The following CAMTA1 variants were observed in gnomAD, a reference collection of about 807,000 sequenced individuals.
CAMTA1 encodes the protein calmodulin-binding transcription activator 1.
In CAMTA1, 27 loss-of-function variants were observed where a neutral mutation model predicts 170.9. The observed-to-expected ratio is 0.16, with a 90% CI of 0.12 to 0.22. The LOEUF is 0.22. CAMTA1 is among the 10% of genes least tolerant of loss of function. The pLI is 1.00. For missense variants in CAMTA1, 1,619 were observed against 2,217.2 expected, an observed-to-expected ratio of 0.73 and a Z score of 5.42; for synonymous variants, 833 against 891.5, an observed-to-expected ratio of 0.93 and a Z score of 1.17.
chr1:6,969,163 T>C (rs1201352002), intron 3 of CAMTA1, among the ~76,000 whole-genome samples: 7 of 152,198 alleles, frequency 4.6e-5, no homozygotes, highest in East Asian at 1.9e-4. Flanking sequence ...CTAAACCAGA[T>C]GCCTTGTCTA....
At chr1:6,927,311 G>A (rs1380392712) in intron 3 of CAMTA1, among the ~76,000 whole-genome samples, 1 of 151,990 alleles carries the variant, frequency 6.6e-6, no homozygotes, top group Non-Finnish European at 1.5e-5. Context: ...GAGACTGCAG[G>A]TGTGAGCCAC....
At chr1:7,704,360 C>T (rs1250248821) in intron 11 of CAMTA1, among the ~76,000 whole-genome samples, 9 of 146,056 alleles carry the variant, frequency 6.2e-5, no homozygotes, top group Admixed American at 2.7e-4. Flanking sequence ...AGCCGTCGGG[C>T]TCCGAGCCGT....
chr1:7,694,460 C>G (rs1032785882), intron 11 of CAMTA1: 4 of 152,244 alleles, frequency 2.6e-5, no homozygotes, highest in African/African-American at 9.7e-5. Context: ...TTCCAGGAGC[C>G]TTTGACTGCT....
At chr1:6,898,310 C>T (rs1055125128) in intron 3 of CAMTA1, among the ~76,000 whole-genome samples, 3 of 152,118 alleles carry the variant, frequency 2.0e-5, no homozygotes. Context: ...TCTCAGCACT[C>T]TGGGAGGCCG....
chr1:7,732,553 G>A lies in CAMTA1; in HGVS notation c.3020G>A (p.Ser1007Asn), dbSNP rs1355449576. The change falls in exon 12 of 23, where the codon AGC becomes AAC. Residue 1007 changes from serine (S) to asparagine (N), a missense_variant. By Grantham distance (46) the Ser-to-Asn change is conservative. This residue lies in a region of CAMTA1 where 143 missense variants were observed against 184.2 expected (regional missense o/e 0.78). Coordinates refer to ENST00000303635, the MANE Select transcript of CAMTA1 (RefSeq NM_015215.4). The surrounding 1 kb of genome is among the most constrained non-coding windows in gnomAD (Gnocchi z 4.1). ...QQHKQASGGG[S>N]SGGGSGSGNG... ...CACAAACAGGCGAGCGGAGGCGGCA[G>A]CAGTGGAGGCGGCAGCGGGAGCGGG... is the stretch of plus-strand genomic sequence containing the variant. 1.2e-6 allele frequency: 2 copies of A among 1,613,126 alleles called. No homozygotes were observed. The highest frequency in any genetic ancestry group is 2.2e-5 in the South Asian group (2 of 90,964).
intron 6 of CAMTA1, among the ~76,000 whole-genome samples, chr1:7,494,055 G>A (rs1285086760): frequency 6.6e-6 from 1 of 151,980 alleles, no homozygotes; most frequent in Non-Finnish European, 1.5e-5. Flanking sequence ...TTCCAAACTG[G>A]GTTCATTCTG....
At chr1:7,650,063 G>A (rs2095838766) in intron 7 of CAMTA1, among the ~76,000 whole-genome samples, 1 of 152,222 alleles carries the variant, frequency 6.6e-6, no homozygotes, top group African/African-American at 2.4e-5. Flanking sequence ...GAGTCCAGGA[G>A]GCCCTAGAGC....
chr1:7,186,437 G>A (rs1004998803), intron 4 of CAMTA1, among the ~76,000 whole-genome samples: 3 of 152,318 alleles, frequency 2.0e-5, no homozygotes, highest in East Asian at 3.9e-4. Context: ...TTGATGATCA[G>A]GAGTGATGGC....
chr1:7,693,046 A>G (rs1355922181), intron 11 of CAMTA1: 1 of 152,262 alleles, frequency 6.6e-6, no homozygotes, highest in Non-Finnish European at 1.5e-5. Context: ...TGCCCTTCAT[A>G]TATAGAAAGA....
At chr1:7,650,183 C>T (rs556512153) in intron 7 of CAMTA1, among the ~76,000 whole-genome samples, 28 of 152,334 alleles carry the variant, frequency 1.8e-4, no homozygotes, top group African/African-American at 6.0e-4. Context: ...CGCTGCCAGG[C>T]GGCCGGCACT....
intron 4 of CAMTA1, among the ~76,000 whole-genome samples, chr1:7,104,333 A>T (rs1643357220): frequency 6.6e-6 from 1 of 151,572 alleles, no homozygotes. Flanking sequence ...ACACATATAC[A>T]TACATGTACA....
chr1:7,021,996 A>T (rs2412216), intron 3 of CAMTA1, among the ~76,000 whole-genome samples: 20,840 of 152,146 alleles, frequency 0.14, 1,549 homozygotes, highest in Non-Finnish European at 0.18. Flanking sequence ...AGGGAGGGTA[A>T]GCAAAGTGAC....
At chr1:7,513,542 A>G (rs941615235) in intron 6 of CAMTA1, among the ~76,000 whole-genome samples, 1 of 152,114 alleles carries the variant, frequency 6.6e-6, no homozygotes, top group African/African-American at 2.4e-5. Flanking sequence ...GTTTGCTGCA[A>G]TTCCTTGGCT....
At chr1:6,886,655 C>G (rs12064101) in intron 3 of CAMTA1, among the ~76,000 whole-genome samples, 9,826 of 152,338 alleles carry the variant, frequency 0.065, 348 homozygotes, top group Middle Eastern at 0.099. Flanking sequence ...GTTTGGAAAT[C>G]AGTCCCAAAT....
chr1:7,128,735 GTC>G (rs1645073167), intron 4 of CAMTA1, among the ~76,000 whole-genome samples: 3 of 149,834 alleles, frequency 2.0e-5, no homozygotes, highest in Admixed American at 2.0e-4. Context: ...GCTCACTGCA[GTC>G]TCTGCCTCCT....
chr1:7,386,748 C>T (rs1165732338), intron 5 of CAMTA1, among the ~76,000 whole-genome samples: 2 of 152,140 alleles, frequency 1.3e-5, no homozygotes, highest in Admixed American at 1.3e-4. Flanking sequence ...TCCTGTTTCC[C>T]AAGGCTAAGA....
rs1171407388 is a variant in CAMTA1 at position 7,634,121 on chromosome 1, C to T, written c.511-6279C>T. On this transcript the variant is annotated intron_variant, in intron 6 of 22. Coordinates refer to ENST00000303635, the MANE Select transcript of CAMTA1 (RefSeq NM_015215.4). The surrounding 1 kb of genome is among the most constrained non-coding windows in gnomAD (Gnocchi z 6.2). ...CGGAACAGCCCAACCACGCCTGCTG[C>T]TGTTTGAAGGGTGGGTTGGGGAAGG... Among the ~76,000 whole-genome samples the T allele has an allele frequency of 6.6e-6, 1 of 152,102 alleles. No homozygotes were observed. The highest frequency in any genetic ancestry group is 1.5e-5 in the Non-Finnish European group (1 of 68,022).
rs142471470 is a variant in CAMTA1 at position 7,548,241 on chromosome 1, G to A, written c.510+80340G>A. ...TCTGTGGTTTTCGACCCTCTGTGTT[G>A]GGCACATGTCTACAGTTTCCAGCAG... On this transcript the variant is annotated intron_variant, in intron 6 of 22. Coordinates refer to ENST00000303635, the MANE Select transcript of CAMTA1 (RefSeq NM_015215.4). 5.6e-3 allele frequency among the ~76,000 whole-genome samples: 848 copies of A among 152,284 alleles called. 5 individuals are homozygous for A. The highest frequency in any genetic ancestry group is 6.5e-3 in the Non-Finnish European group (440 of 68,016).
chr1:7,363,051 TAGA>T (rs1263810904), intron 5 of CAMTA1, among the ~76,000 whole-genome samples: 2 of 152,218 alleles, frequency 1.3e-5, no homozygotes, highest in African/African-American at 4.8e-5. Flanking sequence ...AGGTGCTCTG[TAGA>T]AGAAGAAAGA....
Sources: allele counts gnomAD v4.1 joint callset (sites outside exome capture counted in the v4.1 genomes callset), GRCh38; gene constraint gnomAD v4.1.1; regional missense constraint gnomAD v4.1.1; non-coding constraint Gnocchi (gnomAD v3.1); transcripts MANE v1.5; gene names NCBI Gene and HGNC (gene_info 2026-07-23, HGNC 2026-07-21).